The following IGF1R variants were observed in gnomAD, a reference collection of about 807,000 sequenced individuals.
IGF1R encodes the protein insulin like growth factor 1 receptor.
Under a neutral mutation model 144.6 loss-of-function variants are expected in IGF1R, and 44 were observed. That is an observed-to-expected ratio of 0.30 (90% CI 0.24 to 0.39). IGF1R has a LOEUF of 0.39. IGF1R is among the 10% of genes least tolerant of loss of function. IGF1R has a pLI of 1.00. For synonymous variants in IGF1R, 795 were observed against 722.8 expected (o/e 1.10, Z -1.60); for missense variants, 1,355 against 1,833.7 (o/e 0.74, Z 4.77).
intron 17 of IGF1R, among the ~76,000 whole-genome samples, chr15:98,936,422 G>A (rs2016151490): frequency 6.6e-6 from 1 of 152,044 alleles, no homozygotes; most frequent in African/African-American, 2.4e-5. Context: ...AAATAAACTG[G>A]GAGATAAATG....
At chr15:98,815,436 C>T (rs578014342) in intron 2 of IGF1R, among the ~76,000 whole-genome samples, 7 of 152,334 alleles carry the variant, frequency 4.6e-5, no homozygotes, top group Non-Finnish European at 8.8e-5. Context: ...AGAGGCCTGG[C>T]GCATGAAAGC....
intron 2 of IGF1R, among the ~76,000 whole-genome samples, chr15:98,751,605 C>T (rs1449249081): frequency 6.6e-6 from 1 of 152,182 alleles, no homozygotes; most frequent in Non-Finnish European, 1.5e-5. Flanking sequence ...CTGCAGCAAA[C>T]TCTGTTGTAC....
At chr15:98,956,594 A>G (rs2016994808) in intron 20 of IGF1R, among the ~76,000 whole-genome samples, 1 of 152,200 alleles carries the variant, frequency 6.6e-6, no homozygotes, top group South Asian at 2.1e-4. Context: ...GGAACCGGAG[A>G]GAGAGCACTG....
chr15:98,850,506 A>G (rs2011489996), intron 2 of IGF1R, among the ~76,000 whole-genome samples: 1 of 152,212 alleles, frequency 6.6e-6, no homozygotes, highest in Non-Finnish European at 1.5e-5. Context: ...CTCTGTAGCC[A>G]TGTCCTCGGA....
intron 2 of IGF1R, among the ~76,000 whole-genome samples, chr15:98,836,680 A>C (rs1012602927): frequency 5.9e-5 from 9 of 152,122 alleles, no homozygotes; most frequent in Non-Finnish European, 1.2e-4. Context: ...TCCCACTAAT[A>C]TCCTTTTTCA....
At chr15:98,711,677 G>A (rs199822056) in intron 2 of IGF1R, among the ~76,000 whole-genome samples, 8 of 152,016 alleles carry the variant, frequency 5.3e-5, no homozygotes, top group East Asian at 1.9e-4. Context: ...GTCTTCCAAC[G>A]CCACCCTCTT....
Position 98,886,827 on chromosome 15 carries a change from C to T in IGF1R, c.641-4498C>T, listed in dbSNP as rs57897321. 7.5e-3 allele frequency among the ~76,000 whole-genome samples: 1,139 copies of T among 152,256 alleles called. 16 individuals are homozygous for T. The highest frequency in any genetic ancestry group is 0.026 in the African/African-American group (1,066 of 41,542). ...GGGCTCTGGGGCTGGCTCCAGGACT[C>T]TCTAATCCCACACTTGCTCACGTTC... On this transcript the variant is annotated intron_variant, in intron 2 of 20. Coordinates refer to ENST00000650285, the MANE Select transcript of IGF1R (RefSeq NM_000875.5).
intron 6 of IGF1R, among the ~76,000 whole-genome samples, chr15:98,910,741 G>A (rs1249297004): frequency 2.0e-5 from 3 of 152,300 alleles, no homozygotes; most frequent in Admixed American, 6.5e-5. Context: ...CCAGCCTCCC[G>A]TTGTTTGTCA....
Position 98,935,445 on chromosome 15 carries a change from C to A in IGF1R, c.3297+19C>A. ...AATGGAGGTCAGTTTTCATTTCCAC[C>A]GGTATTGCATGTTGCCTGGCCTGCT... On this transcript the variant is annotated intron_variant, in intron 17 of 20. Coordinates refer to ENST00000650285, the MANE Select transcript of IGF1R (RefSeq NM_000875.5). This position sits in a 1 kb window ranked among gnomAD's most constrained non-coding sequence, Gnocchi z 4.2. 2.2e-6 allele frequency: 3 copies of A among 1,369,486 alleles called. No homozygotes were observed. Among genetic ancestry groups the A allele is most frequent in the Non-Finnish European group, 3.1e-6 (3 of 980,538 alleles). The allele number at this position is 1,369,486 out of a possible 1,614,324, so 84.8% of individuals were successfully genotyped here. A position where few individuals can be genotyped will look rare whatever the true frequency, so the allele number is the denominator to read the frequency against.
At chr15:98,649,780 C>T in intron 1 of IGF1R, 105 bp downstream of exon 1, 3 of 864,390 alleles carry the variant, frequency 3.5e-6, no homozygotes, top group Non-Finnish European at 3.7e-6. Flanking sequence ...TGTCGGGCCC[C>T]CGGGCTCGGG....
intron 1 of IGF1R, among the ~76,000 whole-genome samples, chr15:98,678,190 A>C (rs2053095476): frequency 6.6e-6 from 1 of 152,116 alleles, no homozygotes; most frequent in Non-Finnish European, 1.5e-5. Flanking sequence ...CCTAGTAGTA[A>C]TCCCTCCTCA....
intron 9 of IGF1R, chr15:98,916,364 C>T: frequency 1.8e-6 from 1 of 559,094 alleles, no homozygotes. Flanking sequence ...CAGGTTCAAG[C>T]ATTTCTCATT....
rs1360951957 is a variant in IGF1R, at chr15:98,648,820, G to A, written c.-762G>A. Among the ~76,000 whole-genome samples the A allele has an allele frequency of 6.9e-6, 1 of 144,872 alleles. No individual in the cohort carries two copies. The highest frequency in any genetic ancestry group is 1.5e-5 in the Non-Finnish European group (1 of 65,536). Reference sequence around the variant, plus strand: ...CGCCTCGCCTCGGCTGTGACCTTCAGCGAGCCGGAGCCCCCGCGCAGAGCA... The same window carrying A: ...CGCCTCGCCTCGGCTGTGACCTTCAACGAGCCGGAGCCCCCGCGCAGAGCA... On this transcript the variant is annotated 5_prime_UTR_variant, in exon 1 of 21. Coordinates refer to ENST00000650285, the MANE Select transcript of IGF1R (RefSeq NM_000875.5).
At chr15:98,737,827 C>T (rs1372668090) in intron 2 of IGF1R, among the ~76,000 whole-genome samples, 1 of 150,494 alleles carries the variant, frequency 6.6e-6, no homozygotes, top group Non-Finnish European at 1.5e-5. Flanking sequence ...TTCTGTGCCT[C>T]TCTCTCTCTC....
intron 2 of IGF1R, among the ~76,000 whole-genome samples, chr15:98,811,922 CA>C (rs57861816): frequency 3.3e-5 from 5 of 151,682 alleles, no homozygotes; most frequent in African/African-American, 1.2e-4. Flanking sequence ...GACTCTGTCT[CA>C]AAAAAAATAA....
At chr15:98,895,333 T>G (rs1365939534) in intron 3 of IGF1R, among the ~76,000 whole-genome samples, 1 of 152,106 alleles carries the variant, frequency 6.6e-6, no homozygotes, top group African/African-American at 2.4e-5. Context: ...GGAAGTTGGA[T>G]GAAGGCTATG....
At chr15:98,823,505 T>A (rs541332172) in intron 2 of IGF1R, among the ~76,000 whole-genome samples, 60 of 152,378 alleles carry the variant, frequency 3.9e-4, no homozygotes, top group Admixed American at 1.2e-3. Flanking sequence ...AGTTAGTACC[T>A]TTTTGCAAAG....
intron 19 of IGF1R, among the ~76,000 whole-genome samples, chr15:98,947,861 T>A (rs977559692): frequency 6.6e-6 from 1 of 152,236 alleles, no homozygotes; most frequent in African/African-American, 2.4e-5. Context: ...GCTCCCCAGC[T>A]CTGTTGTGGG....
At chr15:98,906,351 T>C (rs915757171) in intron 5 of IGF1R, among the ~76,000 whole-genome samples, 4 of 152,256 alleles carry the variant, frequency 2.6e-5, no homozygotes, top group African/African-American at 9.6e-5. Flanking sequence ...CAGAGGTTTC[T>C]TCATCAACAA....
Sources: gnomAD v4.1 joint callset for allele counts (sites outside exome capture counted in the v4.1 genomes callset) on GRCh38, gnomAD v4.1.1 for gene constraint, Gnocchi (gnomAD v3.1) non-coding constraint, MANE v1.5 for transcripts, NCBI Gene and HGNC (gene_info 2026-07-23, HGNC 2026-07-21) for gene names.